CTNNA3: variants seen among roughly 807,000 people sequenced by gnomAD.
The protein encoded by CTNNA3 is catenin alpha-3.
In CTNNA3, 76 loss-of-function variants were observed where a neutral mutation model predicts 95.7. The observed-to-expected ratio is 0.79, with a 90% CI of 0.66 to 0.96. The LOEUF (loss-of-function observed/expected upper bound fraction) is 0.96. CTNNA3 is among the 40% of genes least tolerant of loss of function. CTNNA3 has a pLI of 0.00. For missense variants in CTNNA3, 1,191 were observed against 1,089.8 expected (o/e 1.09, Z -1.31); for synonymous variants, 431 against 374.4 (o/e 1.15, Z -1.74).
upstream of CTNNA3, among the ~76,000 whole-genome samples, chr10:67,699,736 A>T (rs10997785): frequency 6.6e-6 from 1 of 152,004 alleles, no homozygotes; most frequent in Admixed American, 6.6e-5. Context: ...CTGAGGTACC[A>T]GGTTCATCTC....
intron 9 of CTNNA3, among the ~76,000 whole-genome samples, chr10:66,709,710 G>A (rs10997326): frequency 4.6e-5 from 7 of 151,902 alleles, no homozygotes; most frequent in African/African-American, 1.7e-4. Flanking sequence ...TAGTATATTT[G>A]TTCTTATACG....
At chr10:66,258,477 G>T (rs2132091897) in intron 13 of CTNNA3, among the ~76,000 whole-genome samples, 1 of 152,264 alleles carries the variant, frequency 6.6e-6, no homozygotes, top group East Asian at 1.9e-4. Context: ...GCCCTCCAGG[G>T]AAGTGAGGAA....
chr10:66,180,626 A>G (rs894618631), intron 13 of CTNNA3, among the ~76,000 whole-genome samples: 1 of 152,206 alleles, frequency 6.6e-6, no homozygotes. Context: ...AGTTTTCACA[A>G]GAAATAACCT....
chr10:66,354,583 C>G (rs1264758692), intron 12 of CTNNA3, among the ~76,000 whole-genome samples: 1 of 152,078 alleles, frequency 6.6e-6, no homozygotes, highest in Non-Finnish European at 1.5e-5. Flanking sequence ...GAGAATCTGT[C>G]TTTTAGAGTA....
chr10:66,167,196 AGT>A (rs2085179444), intron 13 of CTNNA3, among the ~76,000 whole-genome samples: 1 of 152,176 alleles, frequency 6.6e-6, no homozygotes, highest in Non-Finnish European at 1.5e-5. Context: ...GGAGAGATTA[AGT>A]GTGATAAAAT....
At chr10:66,010,067 G>C (rs1177724533) in intron 15 of CTNNA3, among the ~76,000 whole-genome samples, 1 of 152,130 alleles carries the variant, frequency 6.6e-6, no homozygotes, top group South Asian at 2.1e-4. Flanking sequence ...TTTTTTGAAG[G>C]TTCAAAATAA....
chr10:66,499,074 T>C (rs961224987), intron 11 of CTNNA3, among the ~76,000 whole-genome samples: 1 of 152,166 alleles, frequency 6.6e-6, no homozygotes, highest in African/African-American at 2.4e-5. Flanking sequence ...CAGTTGTCGG[T>C]TCTTCTCTTT....
At chr10:66,222,429 C>T (rs1462685445) in intron 13 of CTNNA3, among the ~76,000 whole-genome samples, 2 of 151,922 alleles carry the variant, frequency 1.3e-5, no homozygotes, top group Middle Eastern at 3.4e-3. Flanking sequence ...TGACCATAGA[C>T]CCAAAATTAT....
chr10:66,326,419 T>C (rs1370935603), intron 12 of CTNNA3, among the ~76,000 whole-genome samples: 6 of 152,056 alleles, frequency 3.9e-5, no homozygotes, highest in Admixed American at 3.9e-4. Context: ...TCTATGGGAT[T>C]GGTAGAAAGG....
chr10:67,605,911 T>A (rs1477917879), intron 3 of CTNNA3, among the ~76,000 whole-genome samples: 1 of 152,228 alleles, frequency 6.6e-6, no homozygotes, highest in Non-Finnish European at 1.5e-5. Flanking sequence ...CCTCAGGCAA[T>A]CCACCTGCCT....
intron 2 of CTNNA3, among the ~76,000 whole-genome samples, chr10:67,615,193 TG>T (rs767715882): frequency 8.5e-5 from 13 of 152,208 alleles, no homozygotes; most frequent in Admixed American, 2.6e-4. Flanking sequence ...TTTAGGGTTT[TG>T]TTTGTTTGTT....
intron 7 of CTNNA3, among the ~76,000 whole-genome samples, chr10:67,020,982 A>G (rs1030598622): frequency 1.3e-5 from 2 of 152,212 alleles, no homozygotes; most frequent in African/African-American, 4.8e-5. Flanking sequence ...AACCTTGACT[A>G]TGGAAAGTCT....
At chr10:67,246,383 T>C (rs963588587) in intron 5 of CTNNA3, among the ~76,000 whole-genome samples, 1 of 152,192 alleles carries the variant, frequency 6.6e-6, no homozygotes, top group African/African-American at 2.4e-5. Context: ...TCCTCTCTTG[T>C]TTCTATCATA....
chr10:66,017,130 T>C (rs1016731508), intron 15 of CTNNA3, among the ~76,000 whole-genome samples: 1 of 152,144 alleles, frequency 6.6e-6, no homozygotes. Flanking sequence ...AGACCTTTGA[T>C]TGGATTGTGG....
intron 13 of CTNNA3, among the ~76,000 whole-genome samples, chr10:66,181,382 T>C (rs1250400749): frequency 6.6e-6 from 1 of 152,192 alleles, no homozygotes; most frequent in African/African-American, 2.4e-5. Context: ...AACTCTAAAA[T>C]ACAAAAACAT....
chr10:67,726,084 T>A (rs1451416320), intron 1 of CTNNA3, among the ~76,000 whole-genome samples: 99 of 119,616 alleles, frequency 8.3e-4, no homozygotes, highest in Middle Eastern at 4.2e-3. Flanking sequence ...TTAAATTATA[T>A]ATTATAATAT....
chr10:66,443,989 G>A (rs906121020), intron 11 of CTNNA3, among the ~76,000 whole-genome samples: 1 of 152,088 alleles, frequency 6.6e-6, no homozygotes, highest in Non-Finnish European at 1.5e-5. Flanking sequence ...AGGAGCTGAT[G>A]GAGTTGAAAG....
At chr10:67,328,947 G>A (rs1305152367) in intron 5 of CTNNA3, among the ~76,000 whole-genome samples, 1 of 152,118 alleles carries the variant, frequency 6.6e-6, no homozygotes, top group Non-Finnish European at 1.5e-5. Context: ...TACCATAAAT[G>A]TAGCATAATA....
intron 5 of CTNNA3, among the ~76,000 whole-genome samples, chr10:67,242,517 T>C (rs181999982): frequency 2.0e-5 from 3 of 152,178 alleles, no homozygotes; most frequent in East Asian, 1.9e-4. Flanking sequence ...TGAAAGTAAA[T>C]AGGGAGTGGT....
Sources: gnomAD v4.1 joint callset for allele counts (sites outside exome capture counted in the v4.1 genomes callset) on GRCh38, gnomAD v4.1.1 for gene constraint, MANE v1.5 for transcripts, NCBI Gene and HGNC (gene_info 2026-07-23, HGNC 2026-07-21) for gene names.